GRAMD1B: variants seen among roughly 807,000 people sequenced by gnomAD.
GRAMD1B encodes the protein protein Aster-B.
In GRAMD1B, 37 loss-of-function variants were observed where a neutral mutation model predicts 99.7. The observed-to-expected ratio is 0.37, with a 90% CI of 0.29 to 0.49. The LOEUF is 0.49. Ranked by LOEUF, GRAMD1B falls within the 20% of genes least tolerant of loss-of-function variation. The pLI is 0.98. For synonymous variants in GRAMD1B, 427 were observed against 387.6 expected (o/e 1.10, Z -1.19); for missense variants, 888 against 1,009.2 (o/e 0.88, Z 1.63).
intron 3 of GRAMD1B, among the ~76,000 whole-genome samples, chr11:123,583,006 A>T (rs1188360147): frequency 6.6e-6 from 1 of 151,274 alleles, no homozygotes; most frequent in Non-Finnish European, 1.5e-5. Flanking sequence ...GTGCATGCGC[A>T]AGTGTGTGCG....
At chr11:123,520,521 A>G (rs567696978) in intron 2 of GRAMD1B, among the ~76,000 whole-genome samples, 1 of 152,308 alleles carries the variant, frequency 6.6e-6, no homozygotes, top group Non-Finnish European at 1.5e-5. Flanking sequence ...CTGCAATCCC[A>G]GCACTTTGAG....
intron 2 of GRAMD1B, among the ~76,000 whole-genome samples, chr11:123,533,171 G>A (rs1297021775): frequency 3.3e-5 from 5 of 151,970 alleles, no homozygotes; most frequent in African/African-American, 1.2e-4. Context: ...GGGTTTCTGT[G>A]TGTTGGTCAG....
intron 2 of GRAMD1B, among the ~76,000 whole-genome samples, chr11:123,501,201 C>T (rs936417495): frequency 3.3e-5 from 5 of 151,566 alleles, no homozygotes; most frequent in African/African-American, 1.2e-4. Flanking sequence ...GACAGAGTCT[C>T]GCTTTATCAC....
At chr11:123,404,787 T>C (rs1036533094) in intron 1 of GRAMD1B, among the ~76,000 whole-genome samples, 12 of 152,244 alleles carry the variant, frequency 7.9e-5, no homozygotes, top group African/African-American at 2.9e-4. Context: ...TGCAGGCAAG[T>C]CGATACTCAT....
At chr11:123,505,500 C>A (rs1025729116) in intron 2 of GRAMD1B, among the ~76,000 whole-genome samples, 1 of 152,194 alleles carries the variant, frequency 6.6e-6, no homozygotes, top group African/African-American at 2.4e-5. Flanking sequence ...AAACAAACAC[C>A]TAACTCTTAG....
At chr11:123,612,671 G>A (rs955317762) in intron 14 of GRAMD1B, 90 bp from the exon 15 acceptor site, 265 of 741,682 alleles carry the variant, frequency 3.6e-4, no homozygotes, top group Non-Finnish European at 5.9e-5. Flanking sequence ...AATGTGAAGC[G>A]GATCTGGCCT....
intron 4 of GRAMD1B, among the ~76,000 whole-genome samples, chr11:123,589,940 G>A (rs984323338): frequency 6.6e-6 from 1 of 152,116 alleles, no homozygotes; most frequent in Non-Finnish European, 1.5e-5. Flanking sequence ...AGCCCCATTT[G>A]TTTTAAGGGT....
At chr11:123,425,530 A>C (rs1222973572), upstream of GRAMD1B, among the ~76,000 whole-genome samples, 1 of 152,172 alleles carries the variant, frequency 6.6e-6, no homozygotes, top group Non-Finnish European at 1.5e-5. Context: ...TAAACCAAGG[A>C]GGCTTATCTG....
intron 2 of GRAMD1B, among the ~76,000 whole-genome samples, chr11:123,489,599 G>A (rs994740246): frequency 2.6e-5 from 4 of 152,178 alleles, no homozygotes; most frequent in African/African-American, 9.7e-5. Flanking sequence ...GGCAATTTGT[G>A]GAGGTCATTG....
In GRAMD1B at chr11:123,417,057, T is replaced by C. The variant is rs146954256; in HGVS notation, c.-176+58258T>C. Among the ~76,000 whole-genome samples the C allele has an allele frequency of 1.4e-3, 216 of 152,314 alleles. 1 individual carries two copies. Among genetic ancestry groups the C allele is most frequent in the African/African-American group, 5.1e-3 (212 of 41,550 alleles). Reference sequence around the variant, plus strand: ...AATGAAGTGCAAGGGTACATTAATCTCAAACAGGTCATGTGACGGATATTA... The same window carrying C: ...AATGAAGTGCAAGGGTACATTAATCCCAAACAGGTCATGTGACGGATATTA... On this transcript the variant is annotated intron_variant, in intron 1 of 20. Coordinates refer to the GRAMD1B transcript ENST00000638157.
intron 1 of GRAMD1B, among the ~76,000 whole-genome samples, chr11:123,364,594 C>T (rs1475880967): frequency 2.0e-5 from 3 of 152,152 alleles, no homozygotes; most frequent in East Asian, 3.8e-4. Context: ...TTTTTATGCA[C>T]GTTGAGGAAG....
intron 2 of GRAMD1B, among the ~76,000 whole-genome samples, chr11:123,566,710 G>C (rs1333752776): frequency 6.6e-6 from 1 of 151,976 alleles, no homozygotes; most frequent in Non-Finnish European, 1.5e-5. Flanking sequence ...AGCTTGCAGT[G>C]AGCCGAGATC....
chr11:123,443,769 G>T (rs1949516670), intron 1 of GRAMD1B, among the ~76,000 whole-genome samples: 1 of 152,134 alleles, frequency 6.6e-6, no homozygotes, highest in African/African-American at 2.4e-5. Flanking sequence ...TTTTAGTAGA[G>T]ATCGGGTTTC....
At chr11:123,456,382 A>C (rs1232017799) in intron 1 of GRAMD1B, among the ~76,000 whole-genome samples, 1 of 151,456 alleles carries the variant, frequency 6.6e-6, no homozygotes, top group Non-Finnish European at 1.5e-5. Context: ...CCCGAGAGTC[A>C]GCAAACTCGA....
Position 123,510,687 on chromosome 11 carries a change from G to A in GRAMD1B, c.452+29794G>A, listed in dbSNP as rs1940905447. Among the ~76,000 whole-genome samples, 2 of 152,162 alleles carry A rather than the reference G, an allele frequency of 1.3e-5. No individual in the cohort carries two copies. Among genetic ancestry groups the A allele is most frequent in the South Asian group, 4.1e-4 (2 of 4,824 alleles). ...AGATCATGGAGCCGGCTGACATGGC[G>A]ACAGCAAAGGTAGGATGGAAATGCT... On this transcript the variant is annotated intron_variant, in intron 2 of 19. Transcript: ENST00000635736. This position sits in a 1 kb window ranked among gnomAD's most constrained non-coding sequence, Gnocchi z 4.3.
chr11:123,593,290 T>C (rs1950884425), intron 4 of GRAMD1B, among the ~76,000 whole-genome samples: 1 of 152,128 alleles, frequency 6.6e-6, no homozygotes, highest in South Asian at 2.1e-4. Context: ...AAGGGCAGGA[T>C]TTCTGTGTAT....
Position 123,430,633 on chromosome 11 carries a change from C to T in GRAMD1B, c.-160C>T, listed in dbSNP as rs1482938535. The T allele has an allele frequency of 2.0e-6, 1 of 505,122 alleles. No homozygotes were observed. The highest frequency in any genetic ancestry group is 3.5e-6 in the Non-Finnish European group (1 of 288,904). 31.3% of individuals were successfully genotyped at this position (505,122 alleles called of 1,614,324 possible). On this transcript the variant is annotated 5_prime_UTR_variant, in exon 1 of 20. Transcript: ENST00000635736. ...GCGGCGGCGCGCTACGCCGCGTCCC[C>T]TCGCGTCCCTTCCTCGCTGCGCTCC...
rs147831101 is a variant in GRAMD1B at position 123,442,539 on chromosome 11, G to A, written c.374+11373G>A. Among the ~76,000 whole-genome samples, 519 of 152,344 alleles carry A rather than the reference G, an allele frequency of 3.4e-3. 2 individuals are homozygous for A. The highest frequency in any genetic ancestry group is 0.012 in the African/African-American group (504 of 41,574). ...AATCCCAGCACTTTGGGAGGCCAAG[G>A]TGGGAGGATCACTTGAGGTCCAGAG... is the stretch of plus-strand genomic sequence containing the variant. On this transcript the variant is annotated intron_variant, in intron 1 of 19. Transcript: ENST00000635736.
intron 2 of GRAMD1B, among the ~76,000 whole-genome samples, chr11:123,531,920 A>G (rs1359713022): frequency 4.0e-5 from 6 of 151,834 alleles, no homozygotes; most frequent in Admixed American, 1.3e-4. Flanking sequence ...TTTTTTTAGT[A>G]GAGACAGGGT....
Sources: gnomAD v4.1 joint callset for allele counts (sites outside exome capture counted in the v4.1 genomes callset) on GRCh38, gnomAD v4.1.1 for gene constraint, Gnocchi (gnomAD v3.1) non-coding constraint, MANE v1.5 for transcripts, NCBI Gene and HGNC (gene_info 2026-07-23, HGNC 2026-07-21) for gene names.